IFT81: variants seen among roughly 807,000 people sequenced by gnomAD.
The protein encoded by IFT81 is intraflagellar transport protein 81 homolog.
A neutral mutation model predicts 102.6 loss-of-function variants in IFT81; 72 were observed. That is an observed-to-expected ratio of 0.70 (90% CI 0.58 to 0.85). IFT81 has a LOEUF of 0.85. Among genes scored for constraint, IFT81 ranks in the 40% least tolerant of loss-of-function variants. The pLI is 0.00. For missense variants in IFT81, 723 were observed against 787.3 expected (o/e 0.92, Z 0.98); for synonymous variants, 237 against 242.7 (o/e 0.98, Z 0.22).
intron 4 of IFT81, among the ~76,000 whole-genome samples, chr12:110,129,342 GAA>G (rs34929800): frequency 7.1e-6 from 1 of 139,912 alleles, no homozygotes; most frequent in African/African-American, 2.6e-5. Flanking sequence ...TATGTGAATA[GAA>G]AAAAAAAAAA....
intron 14 of IFT81, among the ~76,000 whole-genome samples, chr12:110,195,934 G>C (rs910528408): frequency 6.6e-6 from 1 of 152,062 alleles, no homozygotes; most frequent in Non-Finnish European, 1.5e-5. Flanking sequence ...AGAGATCTGA[G>C]GCCAACTTAA....
intron 10 of IFT81, among the ~76,000 whole-genome samples, chr12:110,161,421 T>C (rs1459696209): frequency 1.3e-5 from 2 of 151,298 alleles, no homozygotes; most frequent in Non-Finnish European, 2.9e-5. Flanking sequence ...GTGCTGGTAT[T>C]ACAGGCGTGA....
chr12:110,142,012 G>A (rs1894920790), intron 8 of IFT81, among the ~76,000 whole-genome samples: 2 of 152,170 alleles, frequency 1.3e-5, no homozygotes, highest in South Asian at 2.1e-4. Flanking sequence ...AAATCTGTGT[G>A]TATAGTTGTC....
chr12:110,209,726 G>A (rs1869162472), intron 18 of IFT81, among the ~76,000 whole-genome samples: 1 of 145,034 alleles, frequency 6.9e-6, no homozygotes, highest in Admixed American at 7.1e-5. Context: ...CCGAGATTGC[G>A]CCATTGCACT....
At chr12:110,174,660 T>C (rs1431775525) in intron 11 of IFT81, among the ~76,000 whole-genome samples, 1 of 152,212 alleles carries the variant, frequency 6.6e-6, no homozygotes, top group Non-Finnish European at 1.5e-5. Flanking sequence ...AATAATTCTT[T>C]TGAGTTCCTG....
chr12:110,216,902 G>A, intron 18 of IFT81: 1 of 193,658 alleles, frequency 5.2e-6, no homozygotes, highest in Non-Finnish European at 1.1e-5. Context: ...TGATCCTGTT[G>A]GTTTCTTGAG....
intron 14 of IFT81, among the ~76,000 whole-genome samples, chr12:110,201,260 G>A (rs541850041): frequency 5.3e-4 from 80 of 151,748 alleles, no homozygotes; most frequent in African/African-American, 1.9e-3. Context: ...AAATTATCTG[G>A]TCATGGTGGC....
chr12:110,216,506 A>G (rs1870147213), intron 18 of IFT81: 1 of 440,648 alleles, frequency 2.3e-6, no homozygotes, highest in African/African-American at 2.2e-5. Context: ...CCAGCCTCCT[A>G]TTATTCACCT....
At chr12:110,174,128 A>T (rs1896923160) in intron 11 of IFT81, among the ~76,000 whole-genome samples, 1 of 151,790 alleles carries the variant, frequency 6.6e-6, no homozygotes, top group Non-Finnish European at 1.5e-5. Context: ...ATACAAAAAA[A>T]TTAGCCAGGC....
intron 9 of IFT81, among the ~76,000 whole-genome samples, chr12:110,144,115 T>A (rs1163456340): frequency 6.7e-6 from 1 of 149,558 alleles, no homozygotes; most frequent in African/African-American, 2.5e-5. Context: ...TGGGTTCAAG[T>A]GATTATCCAG....
intron 11 of IFT81, among the ~76,000 whole-genome samples, chr12:110,163,386 G>C (rs1896250010): frequency 6.6e-6 from 1 of 151,818 alleles, no homozygotes; most frequent in South Asian, 2.1e-4. Context: ...GATTATAGGT[G>C]CCTGCCAACA....
chr12:110,134,913 C>G (rs1566104972), intron 5 of IFT81, 35 bp from the exon 6 acceptor site: 1 of 1,520,502 alleles, frequency 6.6e-7, no homozygotes, highest in African/African-American at 1.4e-5. Context: ...ACTGAGAATA[C>G]TTTTTCTTAT....
chr12:110,126,951 C>T (rs941910035), intron 1 of IFT81, among the ~76,000 whole-genome samples: 1 of 152,190 alleles, frequency 6.6e-6, no homozygotes, highest in African/African-American at 2.4e-5. Context: ...TAAAAAATCT[C>T]TCAATGTTTT....
intron 13 of IFT81, among the ~76,000 whole-genome samples, chr12:110,192,322 T>C (rs1897834470): frequency 6.6e-6 from 1 of 152,196 alleles, no homozygotes; most frequent in South Asian, 2.1e-4. Flanking sequence ...TAATACATCA[T>C]GATTATAGTT....
chr12:110,216,706 A>C (rs1217286234), intron 18 of IFT81: 1 of 420,774 alleles, frequency 2.4e-6, no homozygotes, highest in Non-Finnish European at 4.7e-6. Context: ...TTGTATTTTT[A>C]GTACAGATGG....
At chr12:110,209,496 C>T (rs1478082119) in intron 18 of IFT81, among the ~76,000 whole-genome samples, 2 of 152,126 alleles carry the variant, frequency 1.3e-5, no homozygotes, top group African/African-American at 2.4e-5. Context: ...AGGCTGGGCG[C>T]GGTGGCTCAC....
intron 10 of IFT81, among the ~76,000 whole-genome samples, chr12:110,152,335 A>G (rs535833638): frequency 1.3e-5 from 2 of 152,212 alleles, no homozygotes; most frequent in Admixed American, 1.3e-4. Context: ...TGTCATTTTG[A>G]TAGTAGCCAT....
chr12:110,128,949 G>A lies in IFT81; in HGVS notation c.249-1G>A, dbSNP rs200079673. 284 of 1,612,268 alleles carry A rather than the reference G, an allele frequency of 1.8e-4. No homozygotes were observed. Among genetic ancestry groups the A allele is most frequent in the Non-Finnish European group, 2.2e-4 (264 of 1,179,054 alleles). ...TTTGTGTATGTGTGTTTCTCTCTTA[G>A]GAGTACTTTTCGTCAGGGTTTGGTG... On this transcript the variant is annotated splice_acceptor_variant, in intron 3 of 18. Coordinates refer to ENST00000242591, the MANE Select transcript of IFT81 (RefSeq NM_014055.4). LOFTEE classifies it high-confidence loss of function.
intron 7 of IFT81, 28 bp downstream of exon 7, chr12:110,135,465 G>A (rs750010271): frequency 1.5e-6 from 2 of 1,319,534 alleles, no homozygotes; most frequent in Admixed American, 3.8e-5. Flanking sequence ...TATATTCTCA[G>A]TATGAAGGAA....
Sources: gnomAD v4.1 joint callset for allele counts (sites outside exome capture counted in the v4.1 genomes callset) on GRCh38, gnomAD v4.1.1 for gene constraint, MANE v1.5 for transcripts, NCBI Gene and HGNC (gene_info 2026-07-23, HGNC 2026-07-21) for gene names.